Variants in TRDN observed in about 807,000 individuals in gnomAD.
TRDN encodes triadin, also known as triadin in skeletal muscle.
In TRDN, 161 loss-of-function variants were observed where a neutral mutation model predicts 149.7. That is an observed-to-expected ratio of 1.08 (90% CI 0.95 to 1.23). The LOEUF is 1.23. Among genes scored for constraint, TRDN ranks in the 50% most tolerant of loss-of-function variants. The pLI is 0.00. For missense variants in TRDN, 896 were observed against 823.5 expected, an observed-to-expected ratio of 1.09 and a Z score of -1.08; for synonymous variants, 294 against 250.5, an observed-to-expected ratio of 1.17 and a Z score of -1.64.
intron 38 of TRDN, among the ~76,000 whole-genome samples, chr6:123,245,925 T>G (rs1168685970): frequency 6.6e-6 from 1 of 152,098 alleles, no homozygotes; most frequent in Non-Finnish European, 1.5e-5. Context: ...AACTCAGGAT[T>G]AAGAAACTCC....
At chr6:123,412,579 C>T (rs910967256) in intron 12 of TRDN, among the ~76,000 whole-genome samples, 6 of 152,100 alleles carry the variant, frequency 3.9e-5, no homozygotes, top group African/African-American at 1.4e-4. Context: ...TGTGGTATAG[C>T]TGCCTGGTGA....
chr6:123,510,622 T>C (rs960049312), intron 7 of TRDN, among the ~76,000 whole-genome samples: 2 of 150,038 alleles, frequency 1.3e-5, no homozygotes, highest in Admixed American at 6.8e-5. Context: ...AAAATATTGA[T>C]CAAGATTTAT....
At chr6:123,229,131 A>G (rs1360702774) in intron 38 of TRDN, among the ~76,000 whole-genome samples, 1 of 151,944 alleles carries the variant, frequency 6.6e-6, no homozygotes, top group African/African-American at 2.4e-5. Flanking sequence ...GAGGAATCAG[A>G]GATAGCAGTG....
chr6:123,275,329 T>C (rs762737752), intron 26 of TRDN, among the ~76,000 whole-genome samples: 25 of 151,976 alleles, frequency 1.6e-4, no homozygotes, highest in Non-Finnish European at 3.5e-4. Flanking sequence ...GAGACACAAA[T>C]AGAGAAGATG....
At chr6:123,594,228 C>T (rs577308972) in intron 1 of TRDN, among the ~76,000 whole-genome samples, 198 of 152,146 alleles carry the variant, frequency 1.3e-3, no homozygotes, top group Middle Eastern at 6.8e-3. Flanking sequence ...TTCATTTTTT[C>T]AATAAATTGA....
chr6:123,463,315 G>A (rs1236643525), intron 10 of TRDN, among the ~76,000 whole-genome samples: 7 of 150,780 alleles, frequency 4.6e-5, no homozygotes. Context: ...TCCAGCCTGG[G>A]CAGCAGAGCA....
At position 123,618,808 on chromosome 6, in the gene TRDN, G is replaced by A. The variant is rs565502486; in HGVS notation, c.22+17946C>T. On this transcript the variant is annotated intron_variant, in intron 1 of 40. Transcript: ENST00000334268. ...GTGTGACAACCTTAGTTGAGAATCT[G>A]CTTTTTTCTCTCCTCCTCCTCTTTC... 5.3e-5 allele frequency among the ~76,000 whole-genome samples: 8 copies of A among 152,202 alleles called. No homozygotes were observed. In the South Asian group the frequency reaches 1.7e-3, roughly 32 times the overall value.
intron 38 of TRDN, among the ~76,000 whole-genome samples, chr6:123,250,556 A>G (rs1025897360): frequency 2.0e-5 from 3 of 152,150 alleles, no homozygotes; most frequent in Non-Finnish European, 2.9e-5. Context: ...AAACAATAAT[A>G]TGTGCTATAG....
At position 123,590,783 on chromosome 6, in the gene TRDN, T is replaced by C. The variant is rs114479779; in HGVS notation, c.23-19651A>G. Among the ~76,000 whole-genome samples, 525 of 151,982 alleles carry C rather than the reference T, an allele frequency of 3.5e-3. 3 individuals carry two copies. The highest frequency in any genetic ancestry group is 0.012 in the African/African-American group (498 of 41,464). Reference sequence around the variant, plus strand: ...GTCTCAAAAAAAATAATAATGATAGTAGTAATAATAGAAATAAAGTGCACG... The same window carrying C: ...GTCTCAAAAAAAATAATAATGATAGCAGTAATAATAGAAATAAAGTGCACG... On this transcript the variant is annotated intron_variant, in intron 1 of 40. Coordinates refer to ENST00000334268, the MANE Select transcript of TRDN (RefSeq NM_006073.4).
chr6:123,443,061 C>T (rs563941733), intron 10 of TRDN, among the ~76,000 whole-genome samples: 1 of 152,168 alleles, frequency 6.6e-6, no homozygotes, highest in East Asian at 1.9e-4. Context: ...AAATATGCAT[C>T]ATCTTGCATT....
At chr6:123,524,156 T>C (rs1779824089) in intron 5 of TRDN, among the ~76,000 whole-genome samples, 2 of 152,222 alleles carry the variant, frequency 1.3e-5, no homozygotes, top group African/African-American at 4.8e-5. Flanking sequence ...CAACAATGGC[T>C]TCTAGATGTT....
intron 24 of TRDN, among the ~76,000 whole-genome samples, chr6:123,302,771 T>C (rs1778473241): frequency 1.3e-5 from 2 of 152,124 alleles, no homozygotes; most frequent in East Asian, 1.9e-4. Context: ...CAAATTTTAA[T>C]GTGCATATAA....
intron 1 of TRDN, chr6:123,583,865 CT>C (rs1783267259): frequency 4.5e-6 from 1 of 222,656 alleles, no homozygotes. Context: ...GGGAGGGGGC[CT>C]GAATAATCCC....
At chr6:123,259,758 T>C in intron 34 of TRDN, 96 bp from the exon 35 acceptor site, 1 of 841,412 alleles carries the variant, frequency 1.2e-6, no homozygotes, top group Non-Finnish European at 1.8e-6. Flanking sequence ...GACTTAATCT[T>C]ATGAGTGGAG....
intron 24 of TRDN, among the ~76,000 whole-genome samples, chr6:123,284,484 TC>T (rs1777730256): frequency 1.3e-5 from 2 of 152,052 alleles, no homozygotes; most frequent in African/African-American, 4.8e-5. Flanking sequence ...ATTAAAACCC[TC>T]AGCAAAATTG....
At chr6:123,503,176 G>A (rs1583156866) in intron 8 of TRDN, 1 of 984,962 alleles carries the variant, frequency 1.0e-6, no homozygotes, top group African/African-American at 1.7e-5. Flanking sequence ...AAAGAAACTT[G>A]AGAACTGTCT....
chr6:123,229,395 C>A (rs969396815), intron 38 of TRDN, among the ~76,000 whole-genome samples: 1 of 151,986 alleles, frequency 6.6e-6, no homozygotes, highest in African/African-American at 2.4e-5. Context: ...AACTGAAGGA[C>A]TTTCTCCTTT....
chr6:123,236,982 C>T (rs547524410), intron 38 of TRDN, among the ~76,000 whole-genome samples: 1 of 151,792 alleles, frequency 6.6e-6, no homozygotes, highest in Admixed American at 6.6e-5. Flanking sequence ...AATTATAGAT[C>T]GATTTGGGGA....
intron 38 of TRDN, among the ~76,000 whole-genome samples, chr6:123,244,466 C>T (rs1341038682): frequency 6.6e-6 from 1 of 151,812 alleles, no homozygotes; most frequent in Non-Finnish European, 1.5e-5. Context: ...TATCAATAGC[C>T]AAACTGATCA....
Sources: gnomAD v4.1 joint callset for allele counts (sites outside exome capture counted in the v4.1 genomes callset) on GRCh38, gnomAD v4.1.1 for gene constraint, MANE v1.5 for transcripts, NCBI Gene and HGNC (gene_info 2026-07-23, HGNC 2026-07-21) for gene names.